CWH43: variants seen among roughly 807,000 people sequenced by gnomAD.
CWH43 encodes the protein cell wall biogenesis 43 C-terminal homolog.
A neutral mutation model predicts 85.7 loss-of-function variants in CWH43; 91 were observed. The ratio of observed to expected loss-of-function variants is 1.06; its 90% CI spans 0.90 to 1.26. The LOEUF (loss-of-function observed/expected upper bound fraction) is 1.26. Among genes scored for constraint, CWH43 ranks in the 50% most tolerant of loss-of-function variants. The pLI is 0.00. For missense variants in CWH43, 869 were observed against 839.2 expected, an observed-to-expected ratio of 1.04 and a Z score of -0.44; for synonymous variants, 323 against 293.6, an observed-to-expected ratio of 1.10 and a Z score of -1.02.
intron 15 of CWH43, 43 bp from the exon 16 acceptor site, chr4:49,061,769 T>C: frequency 7.8e-7 from 1 of 1,274,950 alleles, no homozygotes; most frequent in Non-Finnish European, 1.0e-6. Flanking sequence ...TCTGAATGGT[T>C]TTTACATGCC....
At chr4:48,987,036 G>T (rs1285597693) in intron 1 of CWH43, among the ~76,000 whole-genome samples, 2 of 152,122 alleles carry the variant, frequency 1.3e-5, no homozygotes, top group Non-Finnish European at 2.9e-5. Context: ...GCAAAATCCC[G>T]AGGACAATTT....
intron 14 of CWH43, 101 bp downstream of exon 14, chr4:49,044,948 G>A: frequency 2.2e-6 from 2 of 890,168 alleles, no homozygotes; most frequent in Non-Finnish European, 3.5e-6. Context: ...ATTAATTTTT[G>A]TTGCTTTTTA....
intron 8 of CWH43, among the ~76,000 whole-genome samples, chr4:49,016,178 A>T (rs184586239): frequency 6.6e-6 from 1 of 151,968 alleles, no homozygotes; most frequent in African/African-American, 2.4e-5. Context: ...AAATTAACCG[A>T]AGAACTACAC....
At chr4:48,989,439 G>A (rs1240657534) in intron 2 of CWH43, among the ~76,000 whole-genome samples, 14 of 152,052 alleles carry the variant, frequency 9.2e-5, no homozygotes, top group Admixed American at 3.9e-4. Flanking sequence ...TTACAAATAT[G>A]CATATTTCAC....
intron 1 of CWH43, 45 bp from the exon 2 acceptor site, chr4:48,988,432 T>A: frequency 6.9e-7 from 1 of 1,452,676 alleles, no homozygotes; most frequent in Non-Finnish European, 9.3e-7. Flanking sequence ...TTAGAAACAA[T>A]GTTGAAGTTA....
At chr4:49,029,124 C>T (rs1784010874) in intron 10 of CWH43, among the ~76,000 whole-genome samples, 1 of 152,132 alleles carries the variant, frequency 6.6e-6, no homozygotes, top group South Asian at 2.1e-4. Context: ...AAAGAGAGAT[C>T]AGACTGTTAC....
At chr4:49,034,674 G>T (rs1402389025) in intron 12 of CWH43, among the ~76,000 whole-genome samples, 1 of 152,102 alleles carries the variant, frequency 6.6e-6, no homozygotes, top group Non-Finnish European at 1.5e-5. Context: ...ATGATTAAGA[G>T]CATGGGATTC....
intron 9 of CWH43, among the ~76,000 whole-genome samples, chr4:49,019,598 G>C (rs1783674183): frequency 6.6e-6 from 1 of 151,542 alleles, no homozygotes; most frequent in South Asian, 2.1e-4. Flanking sequence ...TAATGTTTTA[G>C]ATGGAATCTC....
In CWH43 at chr4:49,033,823, T is replaced by A. The variant is rs59072736; in HGVS notation, c.1658+1108T>A. Among the ~76,000 whole-genome samples, 966 of 152,346 alleles carry A rather than the reference T, an allele frequency of 6.3e-3. 14 individuals carry two copies. The highest frequency in any genetic ancestry group is 0.023 in the African/African-American group (936 of 41,580). ...AACATGAATATAAAGAGCTATGTGC[T>A]ATGACATTCACATGCAAGCTTTGCC... On this transcript the variant is annotated intron_variant, in intron 12 of 15. Coordinates refer to ENST00000226432, the MANE Select transcript of CWH43 (RefSeq NM_025087.3).
At chr4:49,025,261 A>AT (rs1040425461) in intron 9 of CWH43, among the ~76,000 whole-genome samples, 263 of 143,550 alleles carry the variant, frequency 1.8e-3, no homozygotes, top group Middle Eastern at 0.011. Flanking sequence ...ATCCTGTATC[A>AT]TTTTTTTTTT....
chr4:49,010,461 G>A (rs188905413), intron 8 of CWH43, among the ~76,000 whole-genome samples: 8 of 152,026 alleles, frequency 5.3e-5, no homozygotes, highest in Admixed American at 4.6e-4. Context: ...AAGGATTTTT[G>A]TGTCTCTATC....
At chr4:49,040,447 G>A (rs1399169551) in intron 13 of CWH43, among the ~76,000 whole-genome samples, 1 of 152,196 alleles carries the variant, frequency 6.6e-6, no homozygotes, top group Non-Finnish European at 1.5e-5. Context: ...TCTAACTGGT[G>A]TGAGATGGTA....
intron 13 of CWH43, among the ~76,000 whole-genome samples, chr4:49,041,124 C>T (rs1268060927): frequency 6.6e-6 from 1 of 152,164 alleles, no homozygotes; most frequent in African/African-American, 2.4e-5. Flanking sequence ...GGTACCAGTA[C>T]CATGCTGTTT....
Position 49,038,060 on chromosome 4 carries a change from G to C in CWH43, c.1683G>C (p.Gln561His). The change falls in exon 13 of 16, where the codon CAG becomes CAC. Residue 561 changes from glutamine (Q) to histidine (H), a missense_variant. Physicochemically the swap from Gln to His is conservative, Grantham distance 24 (BLOSUM62 0). Around this residue, in one of 3 missense-constraint regions of CWH43, gnomAD observed 577 missense variants for 513.1 expected, o/e 1.12. Coordinates refer to ENST00000226432, the MANE Select transcript of CWH43 (RefSeq NM_025087.3). ...NHEDDLDRKL[Q>H]AIAVSKLLKS... ...GAGATGACCTCGACAGGAAACTGCA[G>C]GCTATTGCTGTTTCAAAACTACTGA... 6.2e-7 allele frequency: 1 copy of C among 1,610,442 alleles called. No homozygotes were observed. The highest frequency in any genetic ancestry group is 8.5e-7 in the Non-Finnish European group (1 of 1,178,820).
rs559686714 is a variant in CWH43, at chr4:49,004,087, A to G, written c.1060+95A>G. 77 of 1,133,028 alleles carry G rather than the reference A, an allele frequency of 6.8e-5. No homozygotes were observed. In the African/African-American group the frequency reaches 1.1e-3, roughly 17 times the overall value. 70.2% of individuals were successfully genotyped at this position (1,133,028 alleles called of 1,614,324 possible). A position where few individuals can be genotyped will look rare whatever the true frequency, so the allele number is the denominator to read the frequency against. On this transcript the variant is annotated intron_variant, in intron 7 of 15. Transcript: ENST00000226432. ...AGCACTTTATGTAACTGGTGGAAAT[A>G]AGCAGGATGATCTAGCTTTCTTGGT... is the stretch of plus-strand genomic sequence containing the variant.
chr4:49,045,096 C>G (rs1265571632), intron 14 of CWH43, among the ~76,000 whole-genome samples: 1 of 152,054 alleles, frequency 6.6e-6, no homozygotes, highest in Non-Finnish European at 1.5e-5. Flanking sequence ...ACTGTGTAGG[C>G]TATTAGGCAT....
chr4:48,988,600 C>T lies in CWH43; in HGVS notation c.167C>T (p.Thr56Ile). The stretch of plus-strand genomic sequence containing the variant: ...GCATTTCTTTCTCCAATATTCCTAA[C>T]AATTACTCCTTTCTGGAAATTGGTT... The part of the protein sequence containing the change: ...SIAFLSPIFL[T>I]ITPFWKLVNK... Residue 56 changes from threonine (T) to isoleucine (I), a missense_variant, in exon 2 of 16, where the codon ACA becomes ATA. Coordinates refer to ENST00000226432, the MANE Select transcript of CWH43 (RefSeq NM_025087.3). The T allele has an allele frequency of 6.2e-7, 1 of 1,613,400 alleles. No homozygotes were observed. Among genetic ancestry groups the T allele is most frequent in the Non-Finnish European group, 8.5e-7 (1 of 1,179,464 alleles).
intron 9 of CWH43, among the ~76,000 whole-genome samples, chr4:49,018,431 A>G (rs1783631899): frequency 6.6e-6 from 1 of 152,182 alleles, no homozygotes; most frequent in Non-Finnish European, 1.5e-5. Flanking sequence ...TTCTTGGTAG[A>G]TATTGCTGAA....
intron 6 of CWH43, among the ~76,000 whole-genome samples, chr4:49,000,269 A>T (rs1407638417): frequency 6.6e-6 from 1 of 152,202 alleles, no homozygotes; most frequent in African/African-American, 2.4e-5. Context: ...TCACATTTGC[A>T]TGGAAATGTA....
Sources: allele counts gnomAD v4.1 joint callset (sites outside exome capture counted in the v4.1 genomes callset), GRCh38; gene constraint gnomAD v4.1.1; regional missense constraint gnomAD v4.1.1; transcripts MANE v1.5; gene names NCBI Gene and HGNC (gene_info 2026-07-23, HGNC 2026-07-21).